The following EYA3 variants were observed in gnomAD, a reference collection of about 807,000 sequenced individuals.
EYA3 encodes the protein protein phosphatase EYA3.
A neutral mutation model predicts 80.0 loss-of-function variants in EYA3; 39 were observed. That is an observed-to-expected ratio of 0.49 (90% confidence interval 0.38 to 0.64). The LOEUF is 0.64. EYA3 is among the 30% of genes least tolerant of loss of function. EYA3 has a pLI of 0.00. For synonymous variants in EYA3, 206 were observed against 232.8 expected (o/e 0.88, Z 1.05); for missense variants, 523 against 676.1 (o/e 0.77, Z 2.51).
chr1:28,084,596 T>TA (rs56396330), intron 1 of EYA3, among the ~76,000 whole-genome samples: 72 of 12,250 alleles, frequency 5.9e-3, no homozygotes, highest in South Asian at 0.013. Context: ...TATATATATA[T>TA]TTTTTTTTTT....
At chr1:27,983,157 A>G (rs1170963761) in intron 16 of EYA3, among the ~76,000 whole-genome samples, 1 of 152,190 alleles carries the variant, frequency 6.6e-6, no homozygotes, top group Non-Finnish European at 1.5e-5. Context: ...TCCCTGTTGC[A>G]ACTATTCAGC....
chr1:28,002,019 G>A (rs1296634341), intron 11 of EYA3, among the ~76,000 whole-genome samples: 11 of 152,072 alleles, frequency 7.2e-5, no homozygotes, highest in African/African-American at 2.4e-4. Flanking sequence ...AGGTTCAAGC[G>A]ATTCTCCTGC....
At chr1:28,023,618 C>T (rs1225298358) in intron 7 of EYA3, among the ~76,000 whole-genome samples, 1 of 152,070 alleles carries the variant, frequency 6.6e-6, no homozygotes, top group Non-Finnish European at 1.5e-5. Flanking sequence ...GACCAGTACT[C>T]CTCAAAACTG....
At chr1:28,012,548 GTA>G (rs1021609246) in intron 9 of EYA3, among the ~76,000 whole-genome samples, 30 of 152,232 alleles carry the variant, frequency 2.0e-4, no homozygotes, top group Admixed American at 1.4e-3. Context: ...AAAAGTGTGT[GTA>G]TATATATGTT....
At chr1:28,021,221 T>C (rs891865094) in intron 7 of EYA3, among the ~76,000 whole-genome samples, 1 of 152,226 alleles carries the variant, frequency 6.6e-6, no homozygotes, top group Non-Finnish European at 1.5e-5. Flanking sequence ...TCTTTATCAT[T>C]TGAGGACTTT....
intron 7 of EYA3, among the ~76,000 whole-genome samples, chr1:28,026,821 G>T (rs1404539876): frequency 6.6e-6 from 1 of 151,964 alleles, no homozygotes; most frequent in African/African-American, 2.4e-5. Context: ...ACAACAGGAG[G>T]TAAAGGTAGC....
chr1:27,983,692 G>A (rs557736306), intron 16 of EYA3, among the ~76,000 whole-genome samples: 8 of 152,080 alleles, frequency 5.3e-5, no homozygotes, highest in East Asian at 1.9e-4. Context: ...AGTTTCGCTC[G>A]TTGCCCAGGC....
chr1:28,042,090 G>A (rs1480221686), intron 4 of EYA3, among the ~76,000 whole-genome samples: 2 of 152,134 alleles, frequency 1.3e-5, no homozygotes. Flanking sequence ...ATCTTTGGAG[G>A]TGAAACTAGA....
At position 27,977,880 on chromosome 1, in the gene EYA3, G is replaced by A. The variant is rs893885746; in HGVS notation, c.1641+494C>T. Among the ~76,000 whole-genome samples the A allele has an allele frequency of 3.4e-3, 512 of 150,156 alleles. 16 individuals carry two copies. The highest frequency in any genetic ancestry group is 1.0e-3 in the Non-Finnish European group (70 of 67,430). ...GAAAAAAAAAGAAAAAAGAAAAAAA[G>A]AAGGGGTGACCTGAAGTTGGGACCT... On this transcript the variant is annotated intron_variant, in intron 17 of 17. Coordinates refer to ENST00000373871, the MANE Select transcript of EYA3 (RefSeq NM_001990.4).
intron 2 of EYA3, among the ~76,000 whole-genome samples, 170 bp from the exon 3 acceptor site, chr1:28,048,596 T>C (rs1443177569): frequency 6.6e-6 from 1 of 152,170 alleles, no homozygotes; most frequent in Admixed American, 6.5e-5. Context: ...GTTTGTTTTT[T>C]AAATGGAGCT....
intron 1 of EYA3, among the ~76,000 whole-genome samples, chr1:28,063,482 A>G (rs1428991292): frequency 1.4e-5 from 2 of 147,100 alleles, no homozygotes; most frequent in African/African-American, 2.5e-5. Flanking sequence ...TCAGCCTCCC[A>G]GGTAGCTGGG....
At chr1:28,002,215 A>G (rs1419518334) in intron 11 of EYA3, among the ~76,000 whole-genome samples, 1 of 152,018 alleles carries the variant, frequency 6.6e-6, no homozygotes, top group Non-Finnish European at 1.5e-5. Context: ...GCACCCGGCA[A>G]TTTTTGTATT....
At chr1:28,060,017 T>C (rs1644566078) in intron 1 of EYA3, among the ~76,000 whole-genome samples, 1 of 152,160 alleles carries the variant, frequency 6.6e-6, no homozygotes, top group Non-Finnish European at 1.5e-5. Context: ...GGCCAAGTTG[T>C]TGATTTTTTG....
At chr1:28,002,792 A>C (rs1283145506) in intron 11 of EYA3, among the ~76,000 whole-genome samples, 1 of 151,874 alleles carries the variant, frequency 6.6e-6, no homozygotes, top group African/African-American at 2.4e-5. Flanking sequence ...AGCCTGCATG[A>C]CAGAGCGAGA....
chr1:28,088,087 G>A (rs574012756), intron 1 of EYA3, among the ~76,000 whole-genome samples: 1 of 152,294 alleles, frequency 6.6e-6, no homozygotes, highest in East Asian at 1.9e-4. Flanking sequence ...GGACCCTAGG[G>A]AGAGGCTCAG....
chr1:28,027,910 A>T lies in EYA3; in HGVS notation c.378T>A (p.Gly126=), dbSNP rs772724778. 6.2e-7 allele frequency: 1 copy of T among 1,614,128 alleles called. No homozygotes were observed. Among genetic ancestry groups the T allele is most frequent in the Non-Finnish European group, 8.5e-7 (1 of 1,180,002 alleles). The change falls in exon 7 of 18, where the codon GGT becomes GGA. Residue 126 remains glycine (G), a synonymous_variant. Coordinates refer to ENST00000373871, the MANE Select transcript of EYA3 (RefSeq NM_001990.4). The stretch of plus-strand genomic sequence containing the variant: ...GAATTAAACCACTTTCAGGTTTCAT[A>T]CCTGGCCACAATGCACCTGAATCAG... ...GLPPFGALWP[G]MKPESGLIQT... is the part of the protein sequence containing the mutation.
intron 11 of EYA3, among the ~76,000 whole-genome samples, chr1:28,002,881 A>G (rs1640974726): frequency 1.3e-5 from 2 of 151,772 alleles, no homozygotes; most frequent in Admixed American, 6.6e-5. Flanking sequence ...AGCACTTTGG[A>G]AGACCGAGGC....
At chr1:27,976,949 C>T (rs1638960852) in intron 17 of EYA3, 1 of 857,946 alleles carries the variant, frequency 1.2e-6, no homozygotes, top group Non-Finnish European at 1.4e-6. Flanking sequence ...AACTCCTGAC[C>T]TCAGGTGATT....
At chr1:28,073,866 C>T (rs1313704297) in intron 1 of EYA3, among the ~76,000 whole-genome samples, 1 of 152,080 alleles carries the variant, frequency 6.6e-6, no homozygotes, top group Non-Finnish European at 1.5e-5. Context: ...GATTTTTAGA[C>T]AAAATCACAT....
Sources: allele counts gnomAD v4.1 joint callset (sites outside exome capture counted in the v4.1 genomes callset), GRCh38; gene constraint gnomAD v4.1.1; transcripts MANE v1.5; gene names NCBI Gene and HGNC (gene_info 2026-07-23, HGNC 2026-07-21).